TANC2: variants seen among roughly 807,000 people sequenced by gnomAD.
The protein encoded by TANC2 is tetratricopeptide repeat, ankyrin repeat and coiled-coil containing 2, also known as protein TANC2.
A neutral mutation model predicts 210.5 loss-of-function variants in TANC2; 26 were observed. The ratio of observed to expected loss-of-function variants is 0.12; its 90% CI spans 0.09 to 0.17. The LOEUF (loss-of-function observed/expected upper bound fraction) is 0.17. Among genes scored for constraint, TANC2 ranks in the 10% least tolerant of loss-of-function variants. The pLI, the probability that TANC2 is intolerant of heterozygous loss-of-function variation, is 1.00. For synonymous variants in TANC2, 931 were observed against 967.1 expected, an observed-to-expected ratio of 0.96 and a Z score of 0.69; for missense variants, 2,129 against 2,608.9, an observed-to-expected ratio of 0.82 and a Z score of 4.01.
exon 14 of TANC2, chr17:63,355,020 A>G: frequency 1.9e-6 from 3 of 1,613,948 alleles, no homozygotes; most frequent in South Asian, 1.1e-5. Context: ...ATTTGACCTC[A>G]TAGAGAAAGG....
At chr17:62,994,600 G>T (rs78299014) in intron 1 of TANC2, among the ~76,000 whole-genome samples, 4,439 of 152,068 alleles carry the variant, frequency 0.029, 79 homozygotes, top group South Asian at 0.037. Flanking sequence ...TGCTTTTTCT[G>T]TGTCTATGGA....
chr17:62,992,396 G>C (rs1416971812), intron 1 of TANC2, among the ~76,000 whole-genome samples: 1 of 152,320 alleles, frequency 6.6e-6, no homozygotes, highest in African/African-American at 2.4e-5. Flanking sequence ...GTGAGATTCT[G>C]CTGTCCTCTG....
At chr17:62,969,741 A>G (rs535651972) in intron 1 of TANC2, among the ~76,000 whole-genome samples, 2 of 151,960 alleles carry the variant, frequency 1.3e-5, no homozygotes, top group South Asian at 2.1e-4. Flanking sequence ...ACACACACAC[A>G]CAGCCTTTTT....
At chr17:63,120,273 C>T (rs1335093315) in intron 4 of TANC2, among the ~76,000 whole-genome samples, 1 of 151,894 alleles carries the variant, frequency 6.6e-6, no homozygotes, top group Non-Finnish European at 1.5e-5. Context: ...TATAGACCTC[C>T]CTATTTTAAG....
chr17:63,171,166 C>G (rs1187474487), intron 5 of TANC2, among the ~76,000 whole-genome samples: 2 of 148,604 alleles, frequency 1.3e-5, no homozygotes, highest in African/African-American at 5.0e-5. Context: ...GCTCACTGCA[C>G]TCCACCTCCC....
intron 9 of TANC2, among the ~76,000 whole-genome samples, chr17:63,270,483 A>C (rs1044519980): frequency 1.3e-5 from 2 of 152,218 alleles, no homozygotes; most frequent in Non-Finnish European, 2.9e-5. Flanking sequence ...GAATGTACAA[A>C]TTACAGTCAT....
chr17:63,109,966 A>G (rs1163380399), intron 4 of TANC2, among the ~76,000 whole-genome samples: 2 of 151,724 alleles, frequency 1.3e-5, no homozygotes, highest in African/African-American at 4.9e-5. Flanking sequence ...TCTGTAGCTT[A>G]AAAGACTTTA....
chr17:63,111,609 C>T (rs184621590), intron 4 of TANC2, among the ~76,000 whole-genome samples: 1 of 151,992 alleles, frequency 6.6e-6, no homozygotes, highest in South Asian at 2.1e-4. Flanking sequence ...GATTATTTCC[C>T]CCTCTCTTTG....
At chr17:63,135,507 A>C (rs2039060875) in intron 4 of TANC2, among the ~76,000 whole-genome samples, 3 of 152,146 alleles carry the variant, frequency 2.0e-5, no homozygotes, top group Non-Finnish European at 2.9e-5. Context: ...TTGAAAGAGA[A>C]GTCATCAATC....
At chr17:63,275,454 C>T (rs968785611) in intron 9 of TANC2, among the ~76,000 whole-genome samples, 1 of 152,146 alleles carries the variant, frequency 6.6e-6, no homozygotes, top group Non-Finnish European at 1.5e-5. Flanking sequence ...CTGTGCTTCA[C>T]ACCATTTATG....
chr17:62,993,217 A>G (rs892215174), intron 1 of TANC2, among the ~76,000 whole-genome samples: 5 of 152,162 alleles, frequency 3.3e-5, no homozygotes, highest in East Asian at 1.9e-4. Context: ...AACATTCACA[A>G]ATTCCAGAAG....
intron 5 of TANC2, among the ~76,000 whole-genome samples, chr17:63,161,516 G>A (rs1387059537): frequency 1.3e-5 from 2 of 151,976 alleles, no homozygotes; most frequent in Non-Finnish European, 2.9e-5. Flanking sequence ...CACAGTTACT[G>A]ACTCCCTCTT....
At chr17:63,114,742 AAAAAT>A (rs933581688) in intron 4 of TANC2, among the ~76,000 whole-genome samples, 12 of 152,204 alleles carry the variant, frequency 7.9e-5, no homozygotes, top group African/African-American at 2.9e-4. Context: ...AAAAAAGAAT[AAAAAT>A]AAAAAAGAAT....
exon 26 of TANC2, chr17:63,415,599 T>A (rs1432343292): frequency 1.1e-5 from 17 of 1,613,768 alleles, no homozygotes; most frequent in Non-Finnish European, 1.3e-5. Context: ...AAGGGTTTGG[T>A]GAGGACTTGA....
chr17:63,406,255 C>T lies in TANC2; in HGVS notation c.3567C>T (p.Thr1189=), dbSNP rs372775570. Residue 1189 remains threonine, a synonymous_variant, in exon 21 of 28, where the codon ACC becomes ACT. Coordinates refer to ENST00000689528, the Ensembl canonical transcript of TANC2. ...CTGCTTCCGAAGGCCATCTAGGAAC[C>T]GTGGACTTTCTGCTTGCACAAGGTT... The T allele has an allele frequency of 5.0e-6, 8 of 1,613,728 alleles. No homozygotes were observed. Among genetic ancestry groups the T allele is most frequent in the Middle Eastern group, 1.6e-4 (1 of 6,076 alleles).
At chr17:63,211,233 A>C (rs775207606) in intron 7 of TANC2, among the ~76,000 whole-genome samples, 2 of 152,178 alleles carry the variant, frequency 1.3e-5, no homozygotes, top group Non-Finnish European at 2.9e-5. Context: ...AAGTCTGACC[A>C]TATCACTCTT....
At chr17:63,250,552 TATAGCC>T (rs2043030396) in intron 8 of TANC2, among the ~76,000 whole-genome samples, 1 of 152,176 alleles carries the variant, frequency 6.6e-6, no homozygotes, top group Non-Finnish European at 1.5e-5. Context: ...GCATTGTTGC[TATAGCC>T]AACTCCTTCA....
intron 4 of TANC2, among the ~76,000 whole-genome samples, chr17:63,102,290 A>G (rs1397078756): frequency 6.6e-6 from 1 of 152,046 alleles, no homozygotes; most frequent in African/African-American, 2.4e-5. Flanking sequence ...GGCCTGGGAA[A>G]CAGAACAAGC....
intron 2 of TANC2, among the ~76,000 whole-genome samples, chr17:63,073,288 TGAG>T (rs1459400555): frequency 5.9e-5 from 9 of 152,076 alleles, no homozygotes; most frequent in Non-Finnish European, 4.4e-5. Flanking sequence ...ATAACAAAAT[TGAG>T]GCAATTATTT....
Sources: gnomAD v4.1 joint callset for allele counts (sites outside exome capture counted in the v4.1 genomes callset) on GRCh38, gnomAD v4.1.1 for gene constraint, MANE v1.5 for transcripts, NCBI Gene and HGNC (gene_info 2026-07-23, HGNC 2026-07-21) for gene names.